Variants in RHOBTB1 observed in about 807,000 individuals in gnomAD.
RHOBTB1 encodes the protein rho-related BTB domain-containing protein 1.
Under a neutral mutation model 71.6 loss-of-function variants are expected in RHOBTB1, and 40 were observed. The observed-to-expected ratio is 0.56, with a 90% CI of 0.43 to 0.73. RHOBTB1 has a LOEUF of 0.73. Among genes scored for constraint, RHOBTB1 ranks in the 30% least tolerant of loss-of-function variants. The probability of loss-of-function intolerance (pLI) is 0.00; values close to 1 mark genes in which losing one functional copy is unlikely to be tolerated. For synonymous variants in RHOBTB1, 319 were observed against 334.9 expected, an observed-to-expected ratio of 0.95 and a Z score of 0.52; for missense variants, 797 against 894.0, an observed-to-expected ratio of 0.89 and a Z score of 1.38.
chr10:60,867,273 G>T (rs925564995), downstream of RHOBTB1, among the ~76,000 whole-genome samples: 2 of 152,164 alleles, frequency 1.3e-5, no homozygotes, highest in Non-Finnish European at 2.9e-5. Context: ...TTATCATATT[G>T]GGAGGGAATT....
intron 1 of RHOBTB1, among the ~76,000 whole-genome samples, chr10:60,999,213 C>T (rs2087167929): frequency 6.6e-6 from 1 of 152,052 alleles, no homozygotes; most frequent in Non-Finnish European, 1.5e-5. Context: ...TGGAATGGAG[C>T]CTATTTAGCA....
At chr10:60,954,114 A>G (rs1276249374) in intron 2 of RHOBTB1, among the ~76,000 whole-genome samples, 1 of 152,182 alleles carries the variant, frequency 6.6e-6, no homozygotes, top group Admixed American at 6.5e-5. Flanking sequence ...CTACAAATAC[A>G]ATGAACATTA....
intron 2 of RHOBTB1, among the ~76,000 whole-genome samples, chr10:60,973,132 G>A (rs2086215564): frequency 6.6e-6 from 1 of 151,900 alleles, no homozygotes; most frequent in Admixed American, 6.6e-5. Context: ...ATTCAATATG[G>A]ACTGCCTCAA....
At chr10:60,879,557 C>A (rs1261533161) in intron 7 of RHOBTB1, among the ~76,000 whole-genome samples, 1 of 151,594 alleles carries the variant, frequency 6.6e-6, no homozygotes, top group Admixed American at 6.6e-5. Flanking sequence ...GCTGCCTAGG[C>A]TGGTCTCAAA....
At chr10:60,918,165 T>C (rs2083368238) in intron 2 of RHOBTB1, among the ~76,000 whole-genome samples, 2 of 152,166 alleles carry the variant, frequency 1.3e-5, no homozygotes, top group African/African-American at 4.8e-5. Context: ...CAACACCCCT[T>C]TTCTGCAAAG....
rs898195159 is a variant in RHOBTB1, at chr10:60,879,834, A to T, written c.1576-1776T>A. 2.6e-5 allele frequency among the ~76,000 whole-genome samples: 4 copies of T among 152,278 alleles called. No homozygotes were observed. In the South Asian group the frequency reaches 6.2e-4, roughly 24 times the overall value. ...CACACACACTCAGGCACACACATGC[A>T]TGGAGCCAGCCATCTCTATCTGTGG... On this transcript the variant is annotated intron_variant, in intron 7 of 10. Coordinates refer to ENST00000337910, the MANE Select transcript of RHOBTB1 (RefSeq NM_014836.5).
chr10:60,960,491 T>C (rs1351343520), intron 2 of RHOBTB1, among the ~76,000 whole-genome samples: 1 of 152,166 alleles, frequency 6.6e-6, no homozygotes, highest in East Asian at 1.9e-4. Context: ...ACATAATATA[T>C]TGTACCAAAT....
chr10:60,889,044 C>T lies in RHOBTB1; in HGVS notation c.624G>A (p.Leu208=), dbSNP rs772792443. 2 of 1,614,178 alleles carry T rather than the reference C, an allele frequency of 1.2e-6. No homozygotes were observed. The highest frequency in any genetic ancestry group is 1.1e-5 in the South Asian group (1 of 91,074). The part of the protein sequence containing the change: ...DVFDNAIRAA[L]ISRRHLQFWK... ...AGAATTGCAGGTGCCTGCGGGAAAT[C>T]AGCGCTGCTCGGATTGCATTGTCAA... The change falls in exon 6 of 11, where the codon CTG becomes CTA. Residue 208 remains leucine (L), a synonymous_variant. Coordinates refer to ENST00000337910, the MANE Select transcript of RHOBTB1 (RefSeq NM_014836.5).
At chr10:60,926,163 G>C (rs2083870572) in intron 2 of RHOBTB1, among the ~76,000 whole-genome samples, 2 of 152,064 alleles carry the variant, frequency 1.3e-5, no homozygotes, top group African/African-American at 4.8e-5. Context: ...CTTGAACCTG[G>C]GAGGCAAGGG....
At chr10:60,903,799 A>G (rs992374505) in intron 4 of RHOBTB1, among the ~76,000 whole-genome samples, 7 of 152,154 alleles carry the variant, frequency 4.6e-5, no homozygotes, top group African/African-American at 1.4e-4. Flanking sequence ...TCAGGGTTAT[A>G]TTCAGCTATT....
At chr10:60,945,789 G>C (rs2085201581), upstream of RHOBTB1, among the ~76,000 whole-genome samples, 1 of 152,178 alleles carries the variant, frequency 6.6e-6, no homozygotes, top group Admixed American at 6.5e-5. Flanking sequence ...CAAGGCCCTA[G>C]TCTTTGATAT....
chr10:60,994,076 G>A (rs758623739), intron 1 of RHOBTB1, among the ~76,000 whole-genome samples: 1 of 152,054 alleles, frequency 6.6e-6, no homozygotes, highest in Non-Finnish European at 1.5e-5. Flanking sequence ...CAAAATATTA[G>A]AAATTATTGC....
chr10:60,907,439 T>A (rs1485488396), intron 4 of RHOBTB1, among the ~76,000 whole-genome samples: 1 of 152,222 alleles, frequency 6.6e-6, no homozygotes, highest in Non-Finnish European at 1.5e-5. Context: ...TGTATGGTTT[T>A]GTTCCTGACA....
At chr10:60,909,788 G>A (rs143431721) in intron 4 of RHOBTB1, among the ~76,000 whole-genome samples, 6 of 152,154 alleles carry the variant, frequency 3.9e-5, no homozygotes, top group African/African-American at 1.2e-4. Flanking sequence ...CATTAAAATC[G>A]TGTTTTGCTT....
chr10:60,910,706 T>C (rs2082920302), intron 4 of RHOBTB1, among the ~76,000 whole-genome samples, 181 bp downstream of exon 4: 1 of 152,190 alleles, frequency 6.6e-6, no homozygotes, highest in African/African-American at 2.4e-5. Flanking sequence ...AGGGCACGCT[T>C]CTTTTCTTGA....
intron 2 of RHOBTB1, among the ~76,000 whole-genome samples, chr10:60,958,314 C>A (rs2085663680): frequency 6.6e-6 from 1 of 152,146 alleles, no homozygotes; most frequent in South Asian, 2.1e-4. Context: ...ACTCTCATTT[C>A]TTTAGAAGCC....
At chr10:60,956,842 T>A (rs10994582) in intron 2 of RHOBTB1, among the ~76,000 whole-genome samples, 2 of 151,710 alleles carry the variant, frequency 1.3e-5, no homozygotes, top group African/African-American at 4.8e-5. Context: ...AAGCATTCCC[T>A]CCATCTAAAT....
chr10:60,869,633 A>G lies in RHOBTB1; in HGVS notation c.*1849T>C, dbSNP rs140035290. ...TCCATTATATTTTGGCAAGATTACA[A>G]TCAAATGGGAGCTTTGGTTGTAAAA... On this transcript the variant is annotated 3_prime_UTR_variant, in exon 11 of 11. Transcript: ENST00000337910. The G allele has an allele frequency of 1.3e-5, 2 of 152,772 alleles. No homozygotes were observed. Among genetic ancestry groups the G allele is most frequent in the Non-Finnish European group, 2.9e-5 (2 of 68,044 alleles). The allele number at this position is 152,772 out of a possible 1,614,324, so 9.5% of individuals were successfully genotyped here. A position where few individuals can be genotyped will look rare whatever the true frequency, so the allele number is the denominator to read the frequency against.
chr10:60,954,454 T>C (rs904480064), intron 2 of RHOBTB1, among the ~76,000 whole-genome samples: 13 of 152,226 alleles, frequency 8.5e-5, no homozygotes, highest in African/African-American at 2.7e-4. Context: ...TTTTATTAAA[T>C]TAAACTGACA....
Sources: allele counts gnomAD v4.1 joint callset (sites outside exome capture counted in the v4.1 genomes callset), GRCh38; gene constraint gnomAD v4.1.1; transcripts MANE v1.5; gene names NCBI Gene and HGNC (gene_info 2026-07-23, HGNC 2026-07-21).